Variants in MFSD11 observed in about 807,000 individuals in gnomAD.
MFSD11 encodes major facilitator superfamily domain containing 11.
Under a neutral mutation model 53.5 loss-of-function variants are expected in MFSD11, and 36 were observed. The observed-to-expected ratio is 0.67, with a 90% CI of 0.52 to 0.89. The LOEUF (loss-of-function observed/expected upper bound fraction) is 0.89. Ranked by LOEUF, MFSD11 falls within the 40% of genes least tolerant of loss-of-function variation. The pLI is 0.00. For missense variants in MFSD11, 530 were observed against 543.9 expected (o/e 0.97, Z 0.25); for synonymous variants, 186 against 184.9 (o/e 1.01, Z -0.05).
At chr17:76,751,048 G>A (rs917412377) in intron 7 of MFSD11, among the ~76,000 whole-genome samples, 3 of 150,928 alleles carry the variant, frequency 2.0e-5, no homozygotes, top group South Asian at 4.2e-4. Context: ...TGATCCACCC[G>A]CCTTGGCCTC....
At chr17:76,761,645 G>A (rs181951096) in intron 8 of MFSD11, among the ~76,000 whole-genome samples, 579 of 152,238 alleles carry the variant, frequency 3.8e-3, no homozygotes, top group African/African-American at 0.013. Context: ...TATACTGGCC[G>A]GGCGCAGTGG....
downstream of MFSD11, among the ~76,000 whole-genome samples, chr17:76,784,863 C>T (rs1246719586): frequency 6.6e-6 from 1 of 152,186 alleles, no homozygotes; most frequent in Non-Finnish European, 1.5e-5. Context: ...CATACTACTG[C>T]ACTCCAGCCT....
rs541488804 is a variant in MFSD11, at chr17:76,764,102, C to A, written c.683-3284C>A. On this transcript the variant is annotated intron_variant, in intron 8 of 12. Transcript: ENST00000685175. Reference sequence around the variant, plus strand: ...CTAATCTTGAACTCTGGGCCTCAAGCAATTCGCCTGCCTCCCGAAGTGCTG... The same window carrying A: ...CTAATCTTGAACTCTGGGCCTCAAGAAATTCGCCTGCCTCCCGAAGTGCTG... 2.8e-4 allele frequency among the ~76,000 whole-genome samples: 42 copies of A among 152,056 alleles called. No individual in the cohort carries two copies. In the South Asian group the frequency reaches 8.7e-3, roughly 32 times the overall value.
intron 8 of MFSD11, among the ~76,000 whole-genome samples, chr17:76,754,419 G>A (rs237050): frequency 0.99 from 151,002 of 152,232 alleles, 74,899 homozygotes; most frequent in East Asian, 1. Context: ...GCAGTGACTC[G>A]CGCCTGTAAT....
chr17:76,739,132 A>G (rs1407414430), intron 2 of MFSD11, 139 bp downstream of exon 2: 1 of 667,710 alleles, frequency 1.5e-6, no homozygotes, highest in East Asian at 2.8e-5. Context: ...CTGAGAGAAC[A>G]TAATAGAATA....
At chr17:76,747,482 A>G (rs1481879935) in intron 7 of MFSD11, among the ~76,000 whole-genome samples, 1 of 152,020 alleles carries the variant, frequency 6.6e-6, no homozygotes, top group Non-Finnish European at 1.5e-5. Context: ...CTACAGGCAC[A>G]TGCCACCATA....
At chr17:76,793,164 C>A in the MFSD11 span, among the ~76,000 whole-genome samples, 12 of 151,280 alleles carry the variant, frequency 7.9e-5, no homozygotes, top group Admixed American at 7.9e-4. Context: ...TGAGAGCAGA[C>A]AACCAGTCTG....
At chr17:76,786,604 G>A in the MFSD11 span, among the ~76,000 whole-genome samples, 5 of 152,132 alleles carry the variant, frequency 3.3e-5, no homozygotes, top group Non-Finnish European at 5.9e-5. Context: ...TCTCCAGCCC[G>A]AGGAGTCACA....
At chr17:76,795,412 C>T in the MFSD11 span, among the ~76,000 whole-genome samples, 1 of 151,656 alleles carries the variant, frequency 6.6e-6, no homozygotes, top group Non-Finnish European at 1.5e-5. Flanking sequence ...TTGCTTGAAC[C>T]TGGGAGATGG....
chr17:76,750,807 CTTTTTTT>C (rs869278745), intron 7 of MFSD11, among the ~76,000 whole-genome samples: 1 of 137,980 alleles, frequency 7.2e-6, no homozygotes, highest in Non-Finnish European at 1.6e-5. Flanking sequence ...GAAATGTAAT[CTTTTTTT>C]TTTTTTTGAT....
chr17:76,773,668 C>G (rs888111648), intron 10 of MFSD11, among the ~76,000 whole-genome samples: 3 of 152,018 alleles, frequency 2.0e-5, no homozygotes, highest in Admixed American at 1.3e-4. Flanking sequence ...AGTGCAGTGG[C>G]GCAATCTTGG....
chr17:76,753,800 A>G (rs189775366), intron 7 of MFSD11, among the ~76,000 whole-genome samples: 3 of 152,240 alleles, frequency 2.0e-5, no homozygotes, highest in African/African-American at 4.8e-5. Flanking sequence ...CATGTACAAT[A>G]AGTGTAATCT....
chr17:76,737,405 A>G (rs1302104807), upstream of MFSD11: 4 of 441,836 alleles, frequency 9.1e-6, no homozygotes, highest in Admixed American at 3.9e-5. Context: ...CGGAAATGAA[A>G]CCTTCTGATT....
intron 12 of MFSD11, among the ~76,000 whole-genome samples, chr17:76,777,648 T>G (rs995590556): frequency 1.3e-5 from 2 of 152,162 alleles, no homozygotes; most frequent in African/African-American, 4.8e-5. Flanking sequence ...TTTAAGAGGA[T>G]TTATGACTAG....
chr17:76,777,596 T>C (rs941142915), intron 12 of MFSD11, among the ~76,000 whole-genome samples: 1 of 152,164 alleles, frequency 6.6e-6, no homozygotes, highest in Non-Finnish European at 1.5e-5. Flanking sequence ...TTTTTTGCTT[T>C]TGTCTTGTAT....
chr17:76,737,170 T>G (rs1368260265), upstream of MFSD11: 3 of 1,549,550 alleles, frequency 1.9e-6, no homozygotes, highest in Non-Finnish European at 2.6e-6. Flanking sequence ...TAGCTCTGAG[T>G]GGCGGCCCGG....
At chr17:76,767,867 G>C (rs559105204) in intron 9 of MFSD11, among the ~76,000 whole-genome samples, 1 of 152,252 alleles carries the variant, frequency 6.6e-6, no homozygotes, top group East Asian at 1.9e-4. Context: ...CAAATCACAG[G>C]GTTGGCCCAA....
Position 76,738,184 on chromosome 17 carries a change from T to C in MFSD11, c.-169T>C. 1.6e-6 allele frequency: 1 copy of C among 611,848 alleles called. No homozygotes were observed. The highest frequency in any genetic ancestry group is 2.7e-5 in the East Asian group (1 of 36,478). The allele number at this position is 611,848 out of a possible 1,614,324, so 37.9% of individuals were successfully genotyped here. ...ACTGCCGGTGGGGAGAACTTCGCCC[T>C]AAACCTGGGGTTCCGATCCAGGAAC... On this transcript the variant is annotated 5_prime_UTR_variant, in exon 1 of 13. Coordinates refer to ENST00000685175, the MANE Select transcript of MFSD11 (RefSeq NM_001242532.5).
intron 7 of MFSD11, among the ~76,000 whole-genome samples, chr17:76,749,425 A>G (rs1172352499): frequency 6.6e-6 from 1 of 152,050 alleles, no homozygotes; most frequent in Non-Finnish European, 1.5e-5. Context: ...GCTACTTGAG[A>G]GACTGAGGTG....
Sources: allele counts gnomAD v4.1 joint callset (sites outside exome capture counted in the v4.1 genomes callset), GRCh38; gene constraint gnomAD v4.1.1; transcripts MANE v1.5; gene names NCBI Gene and HGNC (gene_info 2026-07-23, HGNC 2026-07-21).